Variants in CEP63 observed in about 807,000 individuals in gnomAD.
CEP63 encodes centrosomal protein of 63 kDa.
CEP63 carries 84 observed loss-of-function variants against 89.1 expected under a neutral mutation model. The observed-to-expected ratio is 0.94, with a 90% confidence interval of 0.79 to 1.13. The LOEUF (loss-of-function observed/expected upper bound fraction) is 1.13, where lower values mean the gene tolerates loss of function less well. Ranked by LOEUF, CEP63 falls within the 50% of genes most tolerant of loss-of-function variation. CEP63 has a pLI of 0.00. For missense variants in CEP63, 838 were observed against 813.3 expected (o/e 1.03, Z -0.37); for synonymous variants, 267 against 272.5 (o/e 0.98, Z 0.20).
the CEP63 span, among the ~76,000 whole-genome samples, chr3:134,684,252 T>C: frequency 4.6e-5 from 7 of 152,212 alleles, no homozygotes; most frequent in Admixed American, 4.6e-4. Flanking sequence ...GCTGAGTGTA[T>C]GGTTCCAACT....
At chr3:134,507,377 T>C (rs2108427085) in intron 3 of CEP63, 91 bp downstream of exon 3, 1 of 963,236 alleles carries the variant, frequency 1.0e-6, no homozygotes, top group East Asian at 2.6e-5. Context: ...AGAAAGAATT[T>C]GTATACCAAG....
the CEP63 span, among the ~76,000 whole-genome samples, chr3:134,732,669 A>C: frequency 1.3e-5 from 2 of 152,204 alleles, no homozygotes; most frequent in African/African-American, 4.8e-5. Context: ...TGGTCAAAGA[A>C]AGTTCAGTCT....
At chr3:134,555,953 C>G (rs1274885796) in intron 12 of CEP63, among the ~76,000 whole-genome samples, 1 of 151,102 alleles carries the variant, frequency 6.6e-6, no homozygotes, top group Non-Finnish European at 1.5e-5. Flanking sequence ...AGAACAGAGC[C>G]CTCAGAAATA....
chr3:134,637,264 C>T, the CEP63 span, among the ~76,000 whole-genome samples: 1 of 152,326 alleles, frequency 6.6e-6, no homozygotes, highest in South Asian at 2.1e-4. Context: ...GGTGCTATCG[C>T]CATCAGCAGC....
At chr3:134,760,058 CTTTTT>C in the CEP63 span, among the ~76,000 whole-genome samples, 3 of 131,188 alleles carry the variant, frequency 2.3e-5, no homozygotes, top group Admixed American at 7.8e-5. Context: ...AGAGCACTTT[CTTTTT>C]TTTTTTTTTT....
the CEP63 span, among the ~76,000 whole-genome samples, chr3:134,618,089 G>T: frequency 6.6e-6 from 1 of 152,100 alleles, no homozygotes; most frequent in African/African-American, 2.4e-5. Flanking sequence ...CTCAGGGATT[G>T]GCCTTGAAAG....
At chr3:134,545,166 A>G (rs1483098582) in intron 6 of CEP63, among the ~76,000 whole-genome samples, 4 of 151,476 alleles carry the variant, frequency 2.6e-5, no homozygotes, top group African/African-American at 4.9e-5. Flanking sequence ...CGCCCAGCTA[A>G]TTTTTGTATT....
chr3:134,659,262 C>G, the CEP63 span, among the ~76,000 whole-genome samples: 1 of 152,172 alleles, frequency 6.6e-6, no homozygotes, highest in East Asian at 1.9e-4. Context: ...TGTTGATTAC[C>G]CAGCTATTGA....
chr3:134,571,244 C>T (rs1033558813), intron 11 of CEP63, among the ~76,000 whole-genome samples: 1 of 152,238 alleles, frequency 6.6e-6, no homozygotes, highest in Admixed American at 6.5e-5. Flanking sequence ...AGCATCTTGC[C>T]TCAGCCTCCT....
chr3:134,513,554 C>A (rs9289473), intron 3 of CEP63, among the ~76,000 whole-genome samples: 151,807 of 152,244 alleles, frequency 1, 75,688 homozygotes, highest in Middle Eastern at 1. Flanking sequence ...GCTGGGCAAG[C>A]GGTTCAGGGA....
the CEP63 span, chr3:134,647,436 G>A: frequency 1.9e-5 from 31 of 1,606,074 alleles, no homozygotes; most frequent in Admixed American, 1.5e-4. Flanking sequence ...AGAATTTACC[G>A]TGAAAGTCAT....
chr3:134,646,950 GA>G, the CEP63 span, among the ~76,000 whole-genome samples: 1 of 152,110 alleles, frequency 6.6e-6, no homozygotes, highest in Non-Finnish European at 1.5e-5. Flanking sequence ...CCTGGCACTG[GA>G]AAAAAGAGGC....
chr3:134,559,267 C>G lies in CEP63; in HGVS notation c.1791C>G (p.Ser597Arg). 1 of 1,614,162 alleles carries G rather than the reference C, an allele frequency of 6.2e-7. No individual in the cohort carries two copies. Among genetic ancestry groups the G allele is most frequent in the African/African-American group, 1.3e-5 (1 of 75,052 alleles). The change falls in exon 14 of 15, where the codon AGC (serine) becomes AGG (arginine). Residue 597 changes from serine (S) to arginine (R), a missense_variant. Physicochemically the swap from Ser to Arg is moderately radical, Grantham distance 110. Transcript: ENST00000675561. ...TAAACCCCATGTCTAGGGTGCTAAG[C>G]CCCCTGAGTCCTCAAATCAGCCCTT... ...DSINPMSRVL[S>R]PLSPQISPCS... is the part of the protein sequence containing the mutation.
chr3:134,662,746 G>A, the CEP63 span, among the ~76,000 whole-genome samples: 21 of 152,334 alleles, frequency 1.4e-4, no homozygotes, highest in Admixed American at 3.3e-4. Context: ...GACAGATAGC[G>A]TCTGGGCTGT....
intron 3 of CEP63, among the ~76,000 whole-genome samples, chr3:134,523,108 A>G (rs1577030349): frequency 6.6e-6 from 1 of 152,240 alleles, no homozygotes; most frequent in African/African-American, 2.4e-5. Context: ...CCAATGTGAG[A>G]TGGTATTTCA....
At chr3:134,618,041 G>A in the CEP63 span, among the ~76,000 whole-genome samples, 7 of 152,242 alleles carry the variant, frequency 4.6e-5, no homozygotes, top group East Asian at 1.4e-3. Context: ...GGCATATTCT[G>A]TACCCTGACC....
chr3:134,522,270 A>G (rs922358381), intron 3 of CEP63, among the ~76,000 whole-genome samples: 2 of 152,168 alleles, frequency 1.3e-5, no homozygotes, highest in East Asian at 1.9e-4. Flanking sequence ...ATTCAGATCA[A>G]TCCAGGCAGG....
At chr3:134,566,652 T>G (rs1158120460), downstream of CEP63, among the ~76,000 whole-genome samples, 1 of 152,144 alleles carries the variant, frequency 6.6e-6, no homozygotes, top group African/African-American at 2.4e-5. Context: ...TCTCCAAAGA[T>G]GTACAGATGG....
chr3:134,550,399 A>G, intron 11 of CEP63, 139 bp downstream of exon 11: 4 of 853,018 alleles, frequency 4.7e-6, no homozygotes, highest in Non-Finnish European at 7.6e-6. Flanking sequence ...GCTGGCTAGC[A>G]AAGAGTTTAG....
Sources: allele counts gnomAD v4.1 joint callset (sites outside exome capture counted in the v4.1 genomes callset), GRCh38; gene constraint gnomAD v4.1.1; transcripts MANE v1.5; gene names NCBI Gene and HGNC (gene_info 2026-07-23, HGNC 2026-07-21).